RGPD2: variants seen among roughly 807,000 people sequenced by gnomAD.
The protein encoded by RGPD2 is RANBP2 like and GRIP domain containing 2, also known as RANBP2-like and GRIP domain-containing protein 2.
A neutral mutation model predicts 36.0 loss-of-function variants in RGPD2; 2 were observed. The observed-to-expected ratio is 0.06, with a 90% CI of 0.02 to 0.17. The LOEUF (loss-of-function observed/expected upper bound fraction) is 0.17. RGPD2 is among the 10% of genes least tolerant of loss of function. RGPD2 has a pLI of 1.00. For synonymous variants in RGPD2, 19 were observed against 163.8 expected, an observed-to-expected ratio of 0.12 and a Z score of 6.75; for missense variants, 40 against 464.3, an observed-to-expected ratio of 0.09 and a Z score of 8.40.
chr2:87,938,236 G>T, the RGPD2 span, among the ~76,000 whole-genome samples: 1 of 151,708 alleles, frequency 6.6e-6, no homozygotes, highest in African/African-American at 2.4e-5. Flanking sequence ...ATTAGTAAAA[G>T]GTTATAGAAA....
chr2:87,875,291 G>T, the RGPD2 span, among the ~76,000 whole-genome samples: 6 of 152,156 alleles, frequency 3.9e-5, no homozygotes, highest in Non-Finnish European at 7.4e-5. Flanking sequence ...CACTTTGCAA[G>T]GGAAATGCCT....
chr2:87,924,449 T>C, the RGPD2 span, among the ~76,000 whole-genome samples: 1 of 151,552 alleles, frequency 6.6e-6, no homozygotes, highest in Non-Finnish European at 1.5e-5. Context: ...TTTTCTGTTT[T>C]ACAGCCCTAG....
the RGPD2 span, among the ~76,000 whole-genome samples, chr2:87,847,480 T>C: frequency 9.3e-5 from 14 of 150,208 alleles, no homozygotes; most frequent in Non-Finnish European, 1.8e-4. Flanking sequence ...AGCTAAGTAT[T>C]TGACATAATT....
chr2:87,988,183 C>T, the RGPD2 span, among the ~76,000 whole-genome samples: 78 of 134,602 alleles, frequency 5.8e-4, no homozygotes, highest in African/African-American at 2.0e-3. Flanking sequence ...CGTTTGTTGG[C>T]AAATCCCTTC....
the RGPD2 span, among the ~76,000 whole-genome samples, chr2:87,847,430 T>C: frequency 6.6e-6 from 1 of 152,004 alleles, no homozygotes; most frequent in South Asian, 2.1e-4. Flanking sequence ...AGTATGGAGA[T>C]ATTTCAGTGT....
chr2:87,905,252 C>A, the RGPD2 span, among the ~76,000 whole-genome samples: 5 of 152,236 alleles, frequency 3.3e-5, no homozygotes, highest in Non-Finnish European at 7.3e-5. Flanking sequence ...AACAGAGACA[C>A]CTCACTGAAC....
the RGPD2 span, chr2:87,985,585 C>T: frequency 1.0e-5 from 8 of 789,252 alleles, no homozygotes; most frequent in African/African-American, 1.2e-4. Flanking sequence ...TGATTTACAA[C>T]ATATAGATAC....
intron 22 of RGPD2, among the ~76,000 whole-genome samples, chr2:87,763,414 C>T (rs1684955944): frequency 7.1e-6 from 1 of 140,608 alleles, no homozygotes; most frequent in African/African-American, 2.7e-5. Flanking sequence ...ACCTCAGCCT[C>T]CCAAAGTGCT....
the RGPD2 span, among the ~76,000 whole-genome samples, chr2:87,961,285 T>A: frequency 6.6e-6 from 1 of 152,200 alleles, no homozygotes; most frequent in Non-Finnish European, 1.5e-5. Flanking sequence ...TGAAAGCCAC[T>A]GACGTAGCCG....
At chr2:87,786,150 T>TA (rs1230564222) in intron 18 of RGPD2, among the ~76,000 whole-genome samples, 35 of 100,090 alleles carry the variant, frequency 3.5e-4, no homozygotes, top group Admixed American at 1.6e-3. Context: ...AAATATTAAA[T>TA]AAAAAAAAAA....
chr2:87,827,305 T>G (rs549995803), upstream of RGPD2, among the ~76,000 whole-genome samples: 9 of 152,396 alleles, frequency 5.9e-5, no homozygotes, highest in African/African-American at 2.2e-4. Context: ...CAAAGATAAT[T>G]TTGTTATATC....
chr2:87,860,342 A>C, the RGPD2 span, among the ~76,000 whole-genome samples: 1 of 151,516 alleles, frequency 6.6e-6, no homozygotes, highest in African/African-American at 2.4e-5. Flanking sequence ...ATATCTCTGG[A>C]GCTTCTTTTT....
At chr2:87,860,970 G>C in the RGPD2 span, among the ~76,000 whole-genome samples, 1 of 151,780 alleles carries the variant, frequency 6.6e-6, no homozygotes, top group Non-Finnish European at 1.5e-5. Context: ...ATTCAGATTA[G>C]CTTTACTACT....
intron 8 of RGPD2, among the ~76,000 whole-genome samples, chr2:87,799,249 T>TC (rs1233252381): frequency 1.2e-5 from 1 of 80,342 alleles, no homozygotes; most frequent in Non-Finnish European, 2.7e-5. Flanking sequence ...GCGCCTGTAG[T>TC]CCCAGCTACT....
chr2:87,825,373 GGCCGCCGCCGCC>G (rs1170265171), intron 1 of RGPD2, among the ~76,000 whole-genome samples: 19 of 135,758 alleles, frequency 1.4e-4, no homozygotes, highest in Admixed American at 2.8e-4. Context: ...CCTACGCCGA[GGCCGCCGCCGCC>G]GCCGCCGCCG....
At chr2:87,972,814 C>T in the RGPD2 span, 6 of 1,611,840 alleles carry the variant, frequency 3.7e-6, no homozygotes, top group Non-Finnish European at 5.1e-6. Context: ...GCACCTACTA[C>T]TATGAGCTCT....
chr2:87,782,956 G>A lies in RGPD2; in HGVS notation c.4068C>T (p.Leu1356=). ...GACCAACATCTTTATCATATCTGTAGAGTTCTGCCATGTGACTAAAAACAA... is the reference window on the plus strand; with the variant it reads ...GACCAACATCTTTATCATATCTGTAAAGTTCTGCCATGTGACTAAAAACAA... The part of the protein sequence containing the change: ...EQVVFSHMAE[L]YRYDKDVGQW... Residue 1356 remains leucine (L), a synonymous_variant, in exon 20 of 23, where the codon CTC becomes CTT. Coordinates refer to ENST00000398146, the MANE Select transcript of RGPD2 (RefSeq NM_001078170.3). 1 of 1,609,710 alleles carries A rather than the reference G, an allele frequency of 6.2e-7. No homozygotes were observed. The highest frequency in any genetic ancestry group is 8.5e-7 in the Non-Finnish European group (1 of 1,178,918).
chr2:87,985,788 A>G, the RGPD2 span: 3 of 1,611,006 alleles, frequency 1.9e-6, no homozygotes, highest in African/African-American at 2.7e-5. Flanking sequence ...ACAAGTCACA[A>G]ATAAATTCCA....
At chr2:87,983,301 C>T in the RGPD2 span, among the ~76,000 whole-genome samples, 1 of 152,076 alleles carries the variant, frequency 6.6e-6, no homozygotes, top group Admixed American at 6.6e-5. Context: ...GCCTAGATGA[C>T]AGAGCAAAAC....
Sources: gnomAD v4.1 joint callset for allele counts (sites outside exome capture counted in the v4.1 genomes callset) on GRCh38, gnomAD v4.1.1 for gene constraint, MANE v1.5 for transcripts, NCBI Gene and HGNC (gene_info 2026-07-23, HGNC 2026-07-21) for gene names.